Variants in RPS6KC1 observed in about 807,000 individuals in gnomAD.
The protein encoded by RPS6KC1 is ribosomal protein S6 kinase C1.
In RPS6KC1, 54 loss-of-function variants were observed where a neutral mutation model predicts 103.8. The ratio of observed to expected loss-of-function variants is 0.52; its 90% CI spans 0.42 to 0.65. The LOEUF (loss-of-function observed/expected upper bound fraction) is 0.65. Ranked by LOEUF, RPS6KC1 falls within the 30% of genes least tolerant of loss-of-function variation. RPS6KC1 has a pLI of 0.00. For missense variants in RPS6KC1, 1,151 were observed against 1,253.8 expected (o/e 0.92, Z 1.24); for synonymous variants, 439 against 438.7 (o/e 1.00, Z -0.01).
chr1:213,348,756 C>T, the RPS6KC1 span, among the ~76,000 whole-genome samples: 1 of 152,202 alleles, frequency 6.6e-6, no homozygotes, highest in East Asian at 1.9e-4. Context: ...CCGTATTCTC[C>T]TTATGGGTAA....
At chr1:213,674,862 G>A in the RPS6KC1 span, among the ~76,000 whole-genome samples, 2 of 152,008 alleles carry the variant, frequency 1.3e-5, no homozygotes, top group African/African-American at 2.4e-5. Context: ...TCTCATTGTG[G>A]TTCTGATTTT....
chr1:213,861,742 A>G, the RPS6KC1 span, among the ~76,000 whole-genome samples: 1 of 152,208 alleles, frequency 6.6e-6, no homozygotes, highest in Non-Finnish European at 1.5e-5. Context: ...TAACATCCTC[A>G]TTAACAGAAG....
At chr1:213,331,021 T>G in the RPS6KC1 span, among the ~76,000 whole-genome samples, 3 of 152,098 alleles carry the variant, frequency 2.0e-5, no homozygotes, top group African/African-American at 7.2e-5. Flanking sequence ...GAGAAGAGGA[T>G]GTGATGGTTG....
the RPS6KC1 span, among the ~76,000 whole-genome samples, chr1:213,660,071 T>C: frequency 6.6e-6 from 1 of 152,152 alleles, no homozygotes; most frequent in Non-Finnish European, 1.5e-5. Context: ...GGCCCCTAGG[T>C]ATTCTGTTGG....
chr1:213,718,292 T>C, the RPS6KC1 span, among the ~76,000 whole-genome samples: 9 of 152,250 alleles, frequency 5.9e-5, no homozygotes, highest in Admixed American at 3.9e-4. Flanking sequence ...ACTGCCCAGA[T>C]AATGAGGCTG....
At chr1:213,700,738 T>C in the RPS6KC1 span, among the ~76,000 whole-genome samples, 1 of 151,972 alleles carries the variant, frequency 6.6e-6, no homozygotes, top group African/African-American at 2.4e-5. Context: ...CTTTCATCAG[T>C]GTTTTATAGT....
chr1:213,110,560 C>T (rs1428724873), intron 4 of RPS6KC1, among the ~76,000 whole-genome samples: 3 of 152,158 alleles, frequency 2.0e-5, no homozygotes, highest in Non-Finnish European at 2.9e-5. Context: ...TGTGGTCAGC[C>T]AGTGCTCGGT....
At chr1:213,739,365 T>G in the RPS6KC1 span, among the ~76,000 whole-genome samples, 1 of 152,180 alleles carries the variant, frequency 6.6e-6, no homozygotes, top group African/African-American at 2.4e-5. Flanking sequence ...TGGTCAACAG[T>G]AGGCTATTAG....
chr1:213,782,773 C>T, the RPS6KC1 span, among the ~76,000 whole-genome samples: 1 of 152,076 alleles, frequency 6.6e-6, no homozygotes. Flanking sequence ...CATTTTTCCA[C>T]CCTAAATTTG....
At chr1:213,211,364 A>G (rs2093499882) in intron 8 of RPS6KC1, among the ~76,000 whole-genome samples, 2 of 152,340 alleles carry the variant, frequency 1.3e-5, no homozygotes, top group Admixed American at 1.3e-4. Flanking sequence ...AAAACAGACA[A>G]TCAAAATGAG....
At chr1:213,812,667 A>T in the RPS6KC1 span, among the ~76,000 whole-genome samples, 1 of 152,222 alleles carries the variant, frequency 6.6e-6, no homozygotes, top group Non-Finnish European at 1.5e-5. Context: ...TCCCAGATAA[A>T]TTGGCTTATA....
downstream of RPS6KC1, among the ~76,000 whole-genome samples, chr1:213,276,888 C>T (rs141732575): frequency 6.6e-6 from 1 of 152,120 alleles, no homozygotes; most frequent in African/African-American, 2.4e-5. Flanking sequence ...TTTCCTAGAC[C>T]TTTCTCAGTA....
the RPS6KC1 span, among the ~76,000 whole-genome samples, chr1:213,743,755 T>C: frequency 2.6e-5 from 4 of 152,138 alleles, no homozygotes; most frequent in Non-Finnish European, 5.9e-5. Context: ...GTGCTGATGA[T>C]TATCTTCAAT....
At chr1:213,570,411 C>G in the RPS6KC1 span, among the ~76,000 whole-genome samples, 1 of 152,182 alleles carries the variant, frequency 6.6e-6, no homozygotes, top group Non-Finnish European at 1.5e-5. Context: ...TAATTCTGCC[C>G]TTGTTACGGA....
At chr1:213,186,942 A>T (rs1274988152) in intron 8 of RPS6KC1, among the ~76,000 whole-genome samples, 1 of 152,090 alleles carries the variant, frequency 6.6e-6, no homozygotes. Flanking sequence ...GCGTCTCACC[A>T]TATTGCCTAG....
At chr1:213,546,672 A>G in the RPS6KC1 span, among the ~76,000 whole-genome samples, 1 of 152,168 alleles carries the variant, frequency 6.6e-6, no homozygotes, top group South Asian at 2.1e-4. Flanking sequence ...AAAAAAATTA[A>G]TAGGCCTAAT....
chr1:213,346,826 C>T, the RPS6KC1 span, among the ~76,000 whole-genome samples: 1 of 152,116 alleles, frequency 6.6e-6, no homozygotes, highest in Non-Finnish European at 1.5e-5. Flanking sequence ...GTAAGTTTAG[C>T]CTGCTTGTCT....
At chr1:213,662,374 A>G in the RPS6KC1 span, among the ~76,000 whole-genome samples, 2 of 151,460 alleles carry the variant, frequency 1.3e-5, no homozygotes, top group Admixed American at 6.6e-5. Flanking sequence ...CAATCCTCCA[A>G]TCTCAGCCTC....
chr1:213,670,735 G>T, the RPS6KC1 span, among the ~76,000 whole-genome samples: 4 of 152,182 alleles, frequency 2.6e-5, no homozygotes, highest in East Asian at 7.7e-4. Context: ...ATTTCCTGTT[G>T]TTCATCGGTG....
Sources: gnomAD v4.1 joint callset for allele counts (sites outside exome capture counted in the v4.1 genomes callset) on GRCh38, gnomAD v4.1.1 for gene constraint, MANE v1.5 for transcripts, NCBI Gene and HGNC (gene_info 2026-07-23, HGNC 2026-07-21) for gene names.